The following GFRA2 variants were observed in gnomAD, a reference collection of about 807,000 sequenced individuals.
The protein encoded by GFRA2 is GDNF family receptor alpha-2.
In GFRA2, 17 loss-of-function variants were observed where a neutral mutation model predicts 48.3. The ratio of observed to expected loss-of-function variants is 0.35; its 90% CI spans 0.24 to 0.53. GFRA2 has a LOEUF of 0.53. Ranked by LOEUF, GFRA2 falls within the 20% of genes least tolerant of loss-of-function variation. GFRA2 has a pLI of 0.93. For synonymous variants in GFRA2, 305 were observed against 257.2 expected (o/e 1.19, Z -1.78); for missense variants, 660 against 637.3 (o/e 1.04, Z -0.38).
intron 4 of GFRA2, among the ~76,000 whole-genome samples, chr8:21,714,955 A>G (rs1272683603): frequency 1.3e-5 from 2 of 152,234 alleles, no homozygotes; most frequent in Admixed American, 6.5e-5. Context: ...AATGGCCTTA[A>G]TAGCCCCAAG....
At chr8:21,773,941 C>A (rs1044869625) in intron 3 of GFRA2, among the ~76,000 whole-genome samples, 29 of 152,308 alleles carry the variant, frequency 1.9e-4, no homozygotes, top group African/African-American at 7.0e-4. Flanking sequence ...AGGACGGCTC[C>A]TCCCACAAGA....
chr8:21,757,291 A>G (rs1196942414), intron 3 of GFRA2, among the ~76,000 whole-genome samples: 1 of 152,170 alleles, frequency 6.6e-6, no homozygotes, highest in Non-Finnish European at 1.5e-5. Flanking sequence ...CCAAGAGCCC[A>G]TCTGCACCAC....
At chr8:21,797,286 G>GTTTTTT (rs1807694068) in intron 2 of GFRA2, among the ~76,000 whole-genome samples, 1 of 91,512 alleles carries the variant, frequency 1.1e-5, no homozygotes, top group East Asian at 4.2e-4. Context: ...TCCTTTCTTT[G>GTTTTTT]CTTTTTTTTT....
At chr8:21,746,105 G>A (rs1804990764) in intron 4 of GFRA2, among the ~76,000 whole-genome samples, 1 of 152,188 alleles carries the variant, frequency 6.6e-6, no homozygotes, top group African/African-American at 2.4e-5. Context: ...GGCATGAGGA[G>A]TGAAATAGCC....
intron 4 of GFRA2, among the ~76,000 whole-genome samples, chr8:21,732,509 CG>C: frequency 6.6e-6 from 1 of 152,250 alleles, no homozygotes; most frequent in South Asian, 2.1e-4. Context: ...TTTACAGCCA[CG>C]GGGGCACATG....
intron 4 of GFRA2, among the ~76,000 whole-genome samples, chr8:21,732,788 A>T (rs566801041): frequency 3.9e-5 from 6 of 152,354 alleles, no homozygotes; most frequent in African/African-American, 1.4e-4. Context: ...CTAAATCCAC[A>T]CACTTAACCA....
intron 4 of GFRA2, among the ~76,000 whole-genome samples, chr8:21,734,295 A>C (rs770625106): frequency 9.9e-5 from 15 of 152,232 alleles, no homozygotes; most frequent in Non-Finnish European, 2.2e-4. Context: ...AGAAGCCAGA[A>C]GCCACTGCCA....
At chr8:21,801,520 C>G (rs1807769726) in intron 2 of GFRA2, among the ~76,000 whole-genome samples, 1 of 152,082 alleles carries the variant, frequency 6.6e-6, no homozygotes, top group African/African-American at 2.4e-5. Context: ...GAAGAGAACC[C>G]AGCAGGTTCC....
rs775155165 is a variant in GFRA2 at position 21,750,548 on chromosome 8, G to A, written c.794+40C>T. 2.1e-5 allele frequency: 25 copies of A among 1,172,750 alleles called. No homozygotes were observed. The highest frequency in any genetic ancestry group is 2.5e-4 in the Middle Eastern group (1 of 3,958). 72.6% of individuals were successfully genotyped at this position (1,172,750 alleles called of 1,614,324 possible). A position where few individuals can be genotyped will look rare whatever the true frequency, so the allele number is the denominator to read the frequency against. On this transcript the variant is annotated intron_variant, in intron 4 of 8. Transcript: ENST00000524240. This position sits in a 1 kb window ranked among gnomAD's most constrained non-coding sequence, Gnocchi z 5.7. ...GAAAACACAGCCTGGCAATGCAAGC[G>A]CCCTCCTGCCAGCACCACCGGGGCT... is the stretch of plus-strand genomic sequence containing the variant.
rs77103810 is a variant in GFRA2, at chr8:21,733,524, G to C, written c.794+17064C>G. The stretch of plus-strand genomic sequence containing the variant: ...GCCCATTCCATTCTTTGAGGAGAGA[G>C]AGGGCGAAGGGAGAGAAAGCCCCAG... On this transcript the variant is annotated intron_variant, in intron 4 of 8. Coordinates refer to ENST00000524240, the MANE Select transcript of GFRA2 (RefSeq NM_001495.5). Among the ~76,000 whole-genome samples, 439 of 152,324 alleles carry C rather than the reference G, an allele frequency of 2.9e-3. 1 individual carries two copies. The highest frequency in any genetic ancestry group is 9.5e-3 in the African/African-American group (396 of 41,570).
chr8:21,756,208 C>G (rs942036440), intron 3 of GFRA2, among the ~76,000 whole-genome samples: 64 of 152,192 alleles, frequency 4.2e-4, no homozygotes, highest in African/African-American at 1.4e-3. Context: ...TTATAGCCTC[C>G]GTGGCTTCCA....
intron 6 of GFRA2, 43 bp from the exon 7 acceptor site, chr8:21,703,020 C>A (rs747029190): frequency 1.6e-6 from 2 of 1,272,744 alleles, no homozygotes; most frequent in Non-Finnish European, 2.1e-6. Context: ...TCAGAACCCA[C>A]GTCCGTCACT....
chr8:21,806,799 T>G (rs77598186), intron 1 of GFRA2, among the ~76,000 whole-genome samples: 1,743 of 152,314 alleles, frequency 0.011, 42 homozygotes, highest in African/African-American at 0.04. Context: ...TATTTTCAAT[T>G]TACAACAGAT....
chr8:21,740,447 C>T (rs1234704324), intron 4 of GFRA2, among the ~76,000 whole-genome samples: 2 of 152,230 alleles, frequency 1.3e-5, no homozygotes, highest in Non-Finnish European at 2.9e-5. Context: ...AGGCCCTCCA[C>T]GTCCCCAAAT....
chr8:21,790,682 G>A (rs1487050052), upstream of GFRA2, among the ~76,000 whole-genome samples: 4 of 152,234 alleles, frequency 2.6e-5, no homozygotes, highest in African/African-American at 9.6e-5. Flanking sequence ...CTAGGCCCTA[G>A]CTGGGTAGTG....
intron 4 of GFRA2, among the ~76,000 whole-genome samples, chr8:21,743,827 C>T (rs1804867468): frequency 6.6e-6 from 1 of 152,178 alleles, no homozygotes; most frequent in Non-Finnish European, 1.5e-5. Context: ...CTCTAGGGAG[C>T]CAATCCAAGT....
chr8:21,785,629 C>T (rs1807234593), intron 1 of GFRA2, among the ~76,000 whole-genome samples: 1 of 152,182 alleles, frequency 6.6e-6, no homozygotes, highest in African/African-American at 2.4e-5. Flanking sequence ...AACATCCCAC[C>T]AGAGCTAGAA....
rs1193284181 is a variant in GFRA2 at position 21,692,286 on chromosome 8, A to G, written c.*992T>C. On this transcript the variant is annotated 3_prime_UTR_variant, in exon 9 of 9. Coordinates refer to ENST00000524240, the MANE Select transcript of GFRA2 (RefSeq NM_001495.5). ...TATGTATATGGATGTGTATATACAT[A>G]TATGTTAGGAGAGGAGCCCCGGTAT... The G allele has an allele frequency of 6.6e-6, 1 of 152,298 alleles. No homozygotes were observed. The highest frequency in any genetic ancestry group is 6.5e-5 in the Admixed American group (1 of 15,274). 9.4% of individuals were successfully genotyped at this position (152,298 alleles called of 1,614,324 possible).
intron 3 of GFRA2, among the ~76,000 whole-genome samples, chr8:21,752,368 C>T (rs555129535): frequency 6.6e-6 from 1 of 152,118 alleles, no homozygotes; most frequent in Non-Finnish European, 1.5e-5. Flanking sequence ...CAGGAATCCA[C>T]AGGCCTCATC....
Sources: allele counts gnomAD v4.1 joint callset (sites outside exome capture counted in the v4.1 genomes callset), GRCh38; gene constraint gnomAD v4.1.1; non-coding constraint Gnocchi (gnomAD v3.1); transcripts MANE v1.5; gene names NCBI Gene and HGNC (gene_info 2026-07-23, HGNC 2026-07-21).